The following TANC2 variants were observed in gnomAD, a reference collection of about 807,000 sequenced individuals.
The protein encoded by TANC2 is tetratricopeptide repeat, ankyrin repeat and coiled-coil containing 2.
In TANC2, 26 loss-of-function variants were observed where a neutral mutation model predicts 210.5. The ratio of observed to expected loss-of-function variants is 0.12; its 90% CI spans 0.09 to 0.17. TANC2 has a LOEUF of 0.17. TANC2 is among the 10% of genes least tolerant of loss of function. The pLI is 1.00. For synonymous variants in TANC2, 931 were observed against 967.1 expected (o/e 0.96, Z 0.69); for missense variants, 2,129 against 2,608.9 (o/e 0.82, Z 4.01).
intron 4 of TANC2, among the ~76,000 whole-genome samples, chr17:63,104,926 A>G (rs1166304017): frequency 6.6e-6 from 1 of 151,702 alleles, no homozygotes; most frequent in Non-Finnish European, 1.5e-5. Context: ...AATAGTATCT[A>G]CCCCATAGGA....
intron 9 of TANC2, 71 bp from the exon 10 acceptor site, chr17:63,314,317 A>AT (rs1043832561): frequency 1.1e-5 from 17 of 1,561,544 alleles, no homozygotes; most frequent in Middle Eastern, 3.7e-4. Flanking sequence ...ACCACACTGC[A>AT]TTTTTTCTCT....
chr17:63,413,536 A>G lies in TANC2; in HGVS notation c.3929-7A>G, dbSNP rs745903890. 5.4e-5 allele frequency: 85 copies of G among 1,585,284 alleles called. No individual in the cohort carries two copies. The highest frequency in any genetic ancestry group is 3.7e-4 in the South Asian group (32 of 86,182). The stretch of plus-strand genomic sequence containing the variant: ...TTTTTACCCATCATGCATCCTGTAC[A>G]CTACAGGTCCAGCCACATGGGCGAT... On this transcript the variant is annotated splice_region_variant and splice_polypyrimidine_tract_variant and intron_variant, in intron 24 of 27. Coordinates refer to ENST00000689528, the Ensembl canonical transcript of TANC2.
intron 14 of TANC2, among the ~76,000 whole-genome samples, chr17:63,369,001 T>A (rs1195127603): frequency 1.3e-5 from 2 of 152,200 alleles, no homozygotes. Context: ...GTTGCCACAC[T>A]CGTGTTCCTA....
intron 2 of TANC2, among the ~76,000 whole-genome samples, chr17:63,014,746 G>A (rs970361658): frequency 1.3e-5 from 2 of 152,120 alleles, no homozygotes; most frequent in African/African-American, 4.8e-5. Flanking sequence ...AGGTTCTACT[G>A]TAGTATTATA....
chr17:62,982,174 C>G (rs1440417173), intron 1 of TANC2, among the ~76,000 whole-genome samples: 1 of 152,174 alleles, frequency 6.6e-6, no homozygotes, highest in African/African-American at 2.4e-5. Flanking sequence ...TATCCTGCAT[C>G]ATTTTATTAC....
At chr17:63,404,096 C>A (rs1448510882) in intron 19 of TANC2, among the ~76,000 whole-genome samples, 1 of 152,116 alleles carries the variant, frequency 6.6e-6, no homozygotes. Context: ...ACTACTACAT[C>A]AATTTTTTAA....
At chr17:63,076,230 A>G (rs2144675659) in intron 3 of TANC2, among the ~76,000 whole-genome samples, 1 of 152,284 alleles carries the variant, frequency 6.6e-6, no homozygotes. Context: ...ATTTATCCTT[A>G]GGAGTGGGGA....
At chr17:63,333,523 T>A (rs1330249351) in intron 11 of TANC2, among the ~76,000 whole-genome samples, 1 of 152,188 alleles carries the variant, frequency 6.6e-6, no homozygotes, top group Non-Finnish European at 1.5e-5. Context: ...AATGGTTTCT[T>A]AAGATGGAAT....
chr17:63,005,140 G>A (rs1355468702), intron 1 of TANC2: 4 of 151,934 alleles, frequency 2.6e-5, no homozygotes, highest in Non-Finnish European at 5.9e-5. Flanking sequence ...TTAATAGCAT[G>A]ATATATAGGT....
chr17:63,101,725 A>T (rs1466964494), intron 4 of TANC2, among the ~76,000 whole-genome samples: 1 of 152,208 alleles, frequency 6.6e-6, no homozygotes, highest in Non-Finnish European at 1.5e-5. Context: ...AAATGGTGGC[A>T]ACTACTACAA....
At chr17:63,161,150 A>G (rs1274807476) in intron 5 of TANC2, among the ~76,000 whole-genome samples, 1 of 152,166 alleles carries the variant, frequency 6.6e-6, no homozygotes, top group Non-Finnish European at 1.5e-5. Flanking sequence ...ACCATTGTGA[A>G]ATAAAATGTA....
chr17:63,380,729 C>T (rs1337317035), intron 15 of TANC2, among the ~76,000 whole-genome samples: 1 of 152,190 alleles, frequency 6.6e-6, no homozygotes, highest in Non-Finnish European at 1.5e-5. Context: ...AAACCATTGT[C>T]TTCAGAGAGA....
chr17:63,252,401 A>G (rs902814283), intron 8 of TANC2, among the ~76,000 whole-genome samples: 1 of 152,098 alleles, frequency 6.6e-6, no homozygotes, highest in Admixed American at 6.6e-5. Flanking sequence ...TTATTTTTAA[A>G]TGTACAATAT....
At chr17:63,354,392 A>T (rs1309893766) in intron 13 of TANC2, among the ~76,000 whole-genome samples, 3 of 152,158 alleles carry the variant, frequency 2.0e-5, no homozygotes, top group Non-Finnish European at 2.9e-5. Flanking sequence ...TTTCTAAGCC[A>T]GTCTTTGAAT....
At chr17:63,112,042 T>C (rs930579260) in intron 4 of TANC2, among the ~76,000 whole-genome samples, 43 of 152,282 alleles carry the variant, frequency 2.8e-4, no homozygotes, top group African/African-American at 9.6e-4. Context: ...TTATTTTTAA[T>C]CTATACCCTC....
At chr17:63,324,387 A>G (rs560659045) in intron 11 of TANC2, among the ~76,000 whole-genome samples, 52 of 152,360 alleles carry the variant, frequency 3.4e-4, no homozygotes, top group African/African-American at 1.2e-3. Flanking sequence ...TGTTGCAGTC[A>G]CTATTAAAGC....
rs2146165872 is a variant in TANC2 at position 63,252,454 on chromosome 17, C to G, written c.1033+14377C>G. ...AAAATTATTGTTGACTATAGCCCAC[C>G]CTGTTTTGCTGTCAAATACTAGATC... On this transcript the variant is annotated intron_variant, in intron 8 of 27. Coordinates refer to ENST00000689528, the Ensembl canonical transcript of TANC2. Among the ~76,000 whole-genome samples the G allele has an allele frequency of 2.0e-5, 3 of 151,850 alleles. No homozygotes were observed. In the South Asian group the frequency reaches 6.3e-4, roughly 32 times the overall value.
At chr17:63,129,557 A>C (rs1419285093) in intron 4 of TANC2, among the ~76,000 whole-genome samples, 4 of 152,044 alleles carry the variant, frequency 2.6e-5, no homozygotes, top group Non-Finnish European at 5.9e-5. Context: ...ATCTCTACTA[A>C]AAATACTAAA....
Position 63,411,495 on chromosome 17 carries a change from T to C in TANC2, c.3590-16T>C. ...TCCATGTCTCCTCAGCCCTGTGCTA[T>C]CACTTGCCTTTGCAGGTGCCTCCAT... On this transcript the variant is annotated splice_polypyrimidine_tract_variant and intron_variant, in intron 21 of 27. Coordinates refer to ENST00000689528, the Ensembl canonical transcript of TANC2. The C allele has an allele frequency of 6.2e-7, 1 of 1,601,468 alleles. No homozygotes were observed. The highest frequency in any genetic ancestry group is 2.2e-5 in the East Asian group (1 of 44,866).
Sources: allele counts gnomAD v4.1 joint callset (sites outside exome capture counted in the v4.1 genomes callset), GRCh38; gene constraint gnomAD v4.1.1; transcripts MANE v1.5; gene names NCBI Gene and HGNC (gene_info 2026-07-23, HGNC 2026-07-21).